Variants in CPNE7 observed in about 807,000 individuals in gnomAD.
The protein encoded by CPNE7 is copine-7.
In CPNE7, 78 loss-of-function variants were observed where a neutral mutation model predicts 66.5. The ratio of observed to expected loss-of-function variants is 1.17; its 90% confidence interval spans 0.98 to 1.42. The LOEUF (loss-of-function observed/expected upper bound fraction) is 1.42. Ranked by LOEUF, CPNE7 falls within the 40% of genes most tolerant of loss-of-function variation. CPNE7 has a pLI of 0.00. For missense variants in CPNE7, 1,012 were observed against 776.6 expected, an observed-to-expected ratio of 1.30 and a Z score of -3.60; for synonymous variants, 468 against 336.7, an observed-to-expected ratio of 1.39 and a Z score of -4.27.
chr16:89,582,693 C>T (rs1045593093), intron 2 of CPNE7, among the ~76,000 whole-genome samples: 4 of 152,232 alleles, frequency 2.6e-5, no homozygotes, highest in African/African-American at 9.6e-5. Context: ...TGGAAAGTGC[C>T]GCATGCTCAG....
chr16:89,596,407 G>A, intron 14 of CPNE7, 77 bp from the exon 15 acceptor site: 3 of 1,530,532 alleles, frequency 2.0e-6, no homozygotes, highest in Non-Finnish European at 2.6e-6. Flanking sequence ...ATGAGGCCTG[G>A]GCCATAATCC....
Position 89,595,503 on chromosome 16 carries a change from T to C in CPNE7, c.1439T>C (p.Met480Thr). Residue 480 changes from methionine to threonine, a missense_variant, in exon 14 of 15, where the codon ATG (methionine) becomes ACG (threonine). Coordinates refer to ENST00000319518, the MANE Select transcript of CPNE7 (RefSeq NM_153636.3). ...VGVGNADFTD[M>T]QVLDGDDGVL... ...GTGGGCAACGCCGACTTCACCGACA[T>C]GCAGGTCCTGGACGGCGACGACGGC... 5 of 1,612,626 alleles carry C rather than the reference T, an allele frequency of 3.1e-6. No individual in the cohort carries two copies. Among genetic ancestry groups the C allele is most frequent in the Non-Finnish European group, 4.2e-6 (5 of 1,179,896 alleles).
At position 89,595,651 on chromosome 16, in the gene CPNE7, T is replaced by A. The variant is rs759438785; in HGVS notation, c.1539+48T>A. The A allele has an allele frequency of 4.0e-6, 6 of 1,503,302 alleles. No individual in the cohort carries two copies. In the East Asian group the frequency reaches 1.4e-4, roughly 34 times the overall value. 93.1% of individuals were successfully genotyped at this position (1,503,302 alleles called of 1,614,324 possible). ...GTCAAGGCCGGCTTGGGGGTCCCTG[T>A]TCATGTCACTGCCCAAGACCTTCCC... On this transcript the variant is annotated intron_variant, in intron 14 of 14. Transcript: ENST00000319518.
rs772660295 is a variant in CPNE7 at position 89,577,675 on chromosome 16, G to A, written c.311G>A (p.Cys104Tyr). 1.9e-6 allele frequency: 3 copies of A among 1,601,176 alleles called. No individual in the cohort carries two copies. The highest frequency in any genetic ancestry group is 2.6e-6 in the Non-Finnish European group (3 of 1,174,202). The change falls in exon 2 of 15, where the codon TGT (cysteine) becomes TAT (tyrosine). Residue 104 changes from cysteine (C) to tyrosine (Y), a missense_variant. Coordinates refer to ENST00000319518, the MANE Select transcript of CPNE7 (RefSeq NM_153636.3). ...YDTHGPSGFS[C>Y]QEDDFLGGME... is the part of the protein sequence containing the mutation. ...ACGCATGGGCCCAGCGGCTTCAGCT[G>A]TCAGGAGGACGATTTCCTGGGGGGC...
In CPNE7 at chr16:89,576,010, C is replaced by T. The variant is rs766728645; in HGVS notation, c.113C>T (p.Pro38Leu). The change falls in exon 1 of 15, where the codon CCG (proline) becomes CTG (leucine). Residue 38 changes from proline to leucine, a missense_variant. By Grantham distance (98) the Pro-to-Leu change is moderately conservative. Coordinates refer to ENST00000319518, the MANE Select transcript of CPNE7 (RefSeq NM_153636.3). ...TGCCGGCACCTGCTGGACCGCGACC[C>T]GCTCACCAAGTCCGACCCCAGCGTG... ...LSCRHLLDRD[P>L]LTKSDPSVAL... 7.3e-7 allele frequency: 1 copy of T among 1,373,404 alleles called. No individual in the cohort carries two copies. Among genetic ancestry groups the T allele is most frequent in the Middle Eastern group, 2.7e-4 (1 of 3,738 alleles). 85.1% of individuals were successfully genotyped at this position (1,373,404 alleles called of 1,614,324 possible).
chr16:89,580,123 C>G lies in CPNE7; in HGVS notation c.357+2402C>G, dbSNP rs1463755864. 3.6e-5 allele frequency among the ~76,000 whole-genome samples: 2 copies of G among 55,458 alleles called. 1 individual carries two copies. The highest frequency in any genetic ancestry group is 9.2e-5 in the African/African-American group (2 of 21,664). 36.4% of individuals were successfully genotyped at this position (55,458 alleles called of 152,430 possible). On this transcript the variant is annotated intron_variant, in intron 2 of 14. Coordinates refer to ENST00000319518, the MANE Select transcript of CPNE7 (RefSeq NM_153636.3). ...CCCATCACACAGAACATCCCGTCAC[C>G]CGCTGACACAGAACATCTCACCCGT...
Position 89,596,804 on chromosome 16 carries a change from G to C in CPNE7, c.*183G>C. On this transcript the variant is annotated 3_prime_UTR_variant, in exon 15 of 15. Transcript: ENST00000319518. Reference sequence around the variant, plus strand: ...GCCCGGCTCTGGGGCCCCCAAGGCCGAAGGGTGACAAAATACAGGCCCCCA... The same window carrying C: ...GCCCGGCTCTGGGGCCCCCAAGGCCCAAGGGTGACAAAATACAGGCCCCCA... The C allele has an allele frequency of 1.4e-6, 1 of 705,850 alleles. No homozygotes were observed. The highest frequency in any genetic ancestry group is 2.1e-6 in the Non-Finnish European group (1 of 475,170). The allele number at this position is 705,850 out of a possible 1,614,324, so 43.7% of individuals were successfully genotyped here. A position where few individuals can be genotyped will look rare whatever the true frequency, so the allele number is the denominator to read the frequency against.
At chr16:89,580,877 GCCATCACCCGTCACACGGAACATC>G (rs2058945114) in intron 2 of CPNE7, among the ~76,000 whole-genome samples, 13 of 44,342 alleles carry the variant, frequency 2.9e-4, no homozygotes, top group South Asian at 8.5e-4. Flanking sequence ...CACGGAACAT[GCCATCACCCGTCACACGGAACATC>G]CCATCACCCG....
intron 9 of CPNE7, among the ~76,000 whole-genome samples, 175 bp downstream of exon 9, chr16:89,587,277 A>C (rs28500710): frequency 0.21 from 36 of 174 alleles, 13 homozygotes; most frequent in Middle Eastern, 1. Flanking sequence ...GGCCCCGCCC[A>C]TCCCCGCCCC....
At chr16:89,592,324 T>C (rs369581953) in intron 13 of CPNE7, among the ~76,000 whole-genome samples, 6 of 151,454 alleles carry the variant, frequency 4.0e-5, no homozygotes, top group African/African-American at 1.2e-4. Context: ...CAAAATAATT[T>C]TAAACTCACC....
chr16:89,580,382 ACATGGAACATCCCATCACCCG>A (rs2058934219), intron 2 of CPNE7, among the ~76,000 whole-genome samples: 1 of 144,874 alleles, frequency 6.9e-6, no homozygotes. Flanking sequence ...ATCACCCGTC[ACATGGAACATCCCATCACCCG>A]TCACACGGAA....
At chr16:89,583,402 T>G (rs1877085960) in intron 2 of CPNE7, 3 of 1,536,602 alleles carry the variant, frequency 2.0e-6, no homozygotes, top group Admixed American at 2.0e-5. Context: ...GTGAGCTGCT[T>G]CCTGGCTTCC....
At chr16:89,583,491 G>A (rs2058987086) in intron 2 of CPNE7, 13 of 1,555,110 alleles carry the variant, frequency 8.4e-6, no homozygotes, top group Non-Finnish European at 1.1e-5. Flanking sequence ...GCCGTGAGGT[G>A]GTGGACGTGC....
chr16:89,596,372 G>A, intron 14 of CPNE7, 112 bp from the exon 15 acceptor site: 1 of 1,411,094 alleles, frequency 7.1e-7, no homozygotes, highest in Non-Finnish European at 9.5e-7. Context: ...GGTGGGGGTG[G>A]GTAGTCACCA....
Position 89,585,694 on chromosome 16 carries a change from T to A in CPNE7, c.689T>A (p.Val230Asp). 6.4e-7 allele frequency: 1 copy of A among 1,552,100 alleles called. No individual in the cohort carries two copies. The highest frequency in any genetic ancestry group is 8.7e-7 in the Non-Finnish European group (1 of 1,147,692). The change falls in exon 7 of 15, where the codon GTC becomes GAC. Residue 230 changes from valine to aspartate, a missense_variant. Coordinates refer to ENST00000319518, the MANE Select transcript of CPNE7 (RefSeq NM_153636.3). ...GAGGACTGGGCTCCCCAGTGCCTGGTCTGGGATTACGACTCTCGAGGAAAG... is the reference window on the plus strand; with the variant it reads ...GAGGACTGGGCTCCCCAGTGCCTGGACTGGGATTACGACTCTCGAGGAAAG... ...CEETRPLKCL[V>D]WDYDSRGKHD... is the part of the protein sequence containing the mutation.
At chr16:89,591,643 C>T (rs1419848485) in intron 13 of CPNE7, among the ~76,000 whole-genome samples, 1 of 152,212 alleles carries the variant, frequency 6.6e-6, no homozygotes, top group Non-Finnish European at 1.5e-5. Context: ...TCTACTCTGC[C>T]ACCGTGTGGC....
Position 89,591,130 on chromosome 16 carries a change from T to C in CPNE7, c.1172T>C (p.Ile391Thr). ...FNPEDDECEG[I>T]QGVVEAYQNC... ...GCTCACCCCCTGCCCCCCACAGGCA[T>C]CCAGGGCGTGGTGGAGGCCTACCAG... The change falls in exon 13 of 15, where the codon ATC becomes ACC. Residue 391 changes from isoleucine (I) to threonine (T), a missense_variant. Transcript: ENST00000319518. 1.2e-6 allele frequency: 2 copies of C among 1,612,246 alleles called. No individual in the cohort carries two copies. The highest frequency in any genetic ancestry group is 1.7e-4 in the Middle Eastern group (1 of 6,056).
rs747750046 is a variant in CPNE7, at chr16:89,595,422, C to A, written c.1358C>A (p.Thr453Lys). 6.2e-7 allele frequency: 1 copy of A among 1,606,238 alleles called. No individual in the cohort carries two copies. Among genetic ancestry groups the A allele is most frequent in the South Asian group, 1.1e-5 (1 of 90,656 alleles). Reference sequence around the variant, plus strand: ...GGCGTGGTGACCGACATGGCCGACACACGGGAGGCCATTGTGCGTGCCTCA... The same window carrying A: ...GGCGTGGTGACCGACATGGCCGACAAACGGGAGGCCATTGTGCGTGCCTCA... ...TDGVVTDMAD[T>K]REAIVRASRL... Residue 453 changes from threonine to lysine, a missense_variant, in exon 14 of 15, where the codon ACA becomes AAA. Physicochemically the swap from Thr to Lys is moderately conservative, Grantham distance 78. Transcript: ENST00000319518.
rs1567953350 is a variant in CPNE7 at position 89,580,839 on chromosome 16, ATCACACGGAACATCCCATCACCCG to A, written c.358-2844_358-2821del. Among the ~76,000 whole-genome samples the A allele has an allele frequency of 1.1e-3, 124 of 114,988 alleles. 2 individuals are homozygous for A. The South Asian group carries it at 0.037, about 34-fold the overall frequency. The allele number at this position is 114,988 out of a possible 152,430, so 75.4% of individuals were successfully genotyped here. On this transcript the variant is annotated intron_variant, in intron 2 of 14. Coordinates refer to ENST00000319518, the MANE Select transcript of CPNE7 (RefSeq NM_153636.3). ...TGTAACACGGAACATCCCGTCACCC[ATCACACGGAACATCCCATCACCCG>A]TCACACGGAACATGCCATCACCCGT...
Sources: allele counts gnomAD v4.1 joint callset (sites outside exome capture counted in the v4.1 genomes callset), GRCh38; gene constraint gnomAD v4.1.1; transcripts MANE v1.5; gene names NCBI Gene and HGNC (gene_info 2026-07-23, HGNC 2026-07-21).